RANBP10: variants seen among roughly 807,000 people sequenced by gnomAD.
The protein encoded by RANBP10 is RAN binding protein 10.
In RANBP10, 24 loss-of-function variants were observed where a neutral mutation model predicts 72.8. The observed-to-expected ratio is 0.33, with a 90% confidence interval of 0.24 to 0.46. RANBP10 has a LOEUF of 0.46. RANBP10 is among the 20% of genes least tolerant of loss of function. RANBP10 has a pLI of 1.00. For missense variants in RANBP10, 679 were observed against 817.5 expected, an observed-to-expected ratio of 0.83 and a Z score of 2.07; for synonymous variants, 310 against 322.3, an observed-to-expected ratio of 0.96 and a Z score of 0.41.
intron 3 of RANBP10, among the ~76,000 whole-genome samples, chr16:67,769,926 A>G (rs1401283098): frequency 1.3e-5 from 2 of 151,724 alleles, no homozygotes; most frequent in Non-Finnish European, 2.9e-5. Context: ...TTAGCTGGGT[A>G]TGGTAGCTTG....
At chr16:67,780,579 C>A (rs2143015011) in intron 2 of RANBP10, among the ~76,000 whole-genome samples, 1 of 152,142 alleles carries the variant, frequency 6.6e-6, no homozygotes, top group Non-Finnish European at 1.5e-5. Flanking sequence ...AAGACCACCT[C>A]TGTCTCTAAA....
intron 4 of RANBP10, among the ~76,000 whole-genome samples, chr16:67,742,975 T>A (rs2053997954): frequency 6.6e-6 from 1 of 152,178 alleles, no homozygotes; most frequent in Non-Finnish European, 1.5e-5. Context: ...GTTTCTCTGA[T>A]GTGCACCTAG....
At chr16:67,752,370 C>A (rs188446250) in intron 3 of RANBP10, among the ~76,000 whole-genome samples, 6 of 152,260 alleles carry the variant, frequency 3.9e-5, no homozygotes, top group Admixed American at 3.3e-4. Context: ...ACACAGGAGG[C>A]CGCTAGAAGC....
intron 6 of RANBP10, among the ~76,000 whole-genome samples, chr16:67,733,647 A>G (rs1399175811): frequency 6.6e-6 from 1 of 152,204 alleles, no homozygotes; most frequent in African/African-American, 2.4e-5. Context: ...GAACACATAC[A>G]AGCACATGGA....
Position 67,731,509 on chromosome 16 carries a change from C to A in RANBP10, c.852G>T (p.Pro284=). 6.2e-7 allele frequency: 1 copy of A among 1,614,096 alleles called. No individual in the cohort carries two copies. Among genetic ancestry groups the A allele is most frequent in the Non-Finnish European group, 8.5e-7 (1 of 1,179,970 alleles). Residue 284 remains proline, a synonymous_variant, in exon 7 of 14, where the codon CCG becomes CCT. Coordinates refer to ENST00000317506, the MANE Select transcript of RANBP10 (RefSeq NM_020850.3). ...ATAFARMTET[P]IQEEQASIKN... ...TTATGGACGCCTGTTCTTCCTGAAT[C>A]GGGGTTTCAGTCATTCGAGCAAAAG...
intron 2 of RANBP10, among the ~76,000 whole-genome samples, chr16:67,774,128 G>C (rs1209058205): frequency 6.6e-6 from 1 of 152,230 alleles, no homozygotes; most frequent in Non-Finnish European, 1.5e-5. Flanking sequence ...CTGCCCTGCA[G>C]TCAGCAGTCC....
At chr16:67,757,250 A>G (rs1175181930) in intron 3 of RANBP10, among the ~76,000 whole-genome samples, 1 of 151,976 alleles carries the variant, frequency 6.6e-6, no homozygotes, top group Non-Finnish European at 1.5e-5. Context: ...GGCACTTCAC[A>G]TGTTCTGCTC....
intron 3 of RANBP10, chr16:67,763,523 A>G (rs777908720): frequency 2.6e-5 from 4 of 152,204 alleles, no homozygotes; most frequent in Non-Finnish European, 4.4e-5. Context: ...GGGTGCAATG[A>G]GCGGAGTGGC....
chr16:67,731,607 G>T, intron 6 of RANBP10, 23 bp from the exon 7 acceptor site: 2 of 1,580,576 alleles, frequency 1.3e-6, no homozygotes, highest in South Asian at 2.2e-5. Context: ...AAGAGCTTCA[G>T]GTGACACTCA....
Position 67,780,830 on chromosome 16 carries a change from T to C in RANBP10, c.348-8744A>G, listed in dbSNP as rs145756701. Reference sequence around the variant, plus strand: ...AGGCACCAAGGAAAGGTCAATTCTCTGAGACCCACTTGGAAATACTGGAGC... The same window carrying C: ...AGGCACCAAGGAAAGGTCAATTCTCCGAGACCCACTTGGAAATACTGGAGC... On this transcript the variant is annotated intron_variant, in intron 2 of 13. Transcript: ENST00000317506. Among the ~76,000 whole-genome samples, 443 of 152,352 alleles carry C rather than the reference T, an allele frequency of 2.9e-3. 4 individuals are homozygous for C. Among genetic ancestry groups the C allele is most frequent in the African/African-American group, 1.0e-2 (415 of 41,576 alleles).
In RANBP10 at chr16:67,727,909, C is replaced by G. The variant is rs371125602; in HGVS notation, c.1475-13G>C. 104 of 1,613,572 alleles carry G rather than the reference C, an allele frequency of 6.4e-5. 1 individual carries two copies. In the African/African-American group the frequency reaches 1.3e-3, roughly 20 times the overall value. On this transcript the variant is annotated splice_polypyrimidine_tract_variant and intron_variant, in intron 11 of 13. Coordinates refer to ENST00000317506, the MANE Select transcript of RANBP10 (RefSeq NM_020850.3). ...GGATGCCTGTCATCTGCATCCAGAA[C>G]CCAGTGGAGAACGTGTTAGGAGGGG...
At chr16:67,792,902 T>C (rs2055055024) in intron 2 of RANBP10, among the ~76,000 whole-genome samples, 1 of 151,928 alleles carries the variant, frequency 6.6e-6, no homozygotes. Flanking sequence ...TCACCAGCAC[T>C]ATCAAAGCAC....
At chr16:67,735,364 G>A (rs954746360) in intron 5 of RANBP10, among the ~76,000 whole-genome samples, 8 of 152,180 alleles carry the variant, frequency 5.3e-5, no homozygotes, top group African/African-American at 1.7e-4. Context: ...TGGGCTCCAC[G>A]ACCCTTCAGA....
chr16:67,795,594 G>A lies in RANBP10; in HGVS notation c.347+9834C>T, dbSNP rs564169965. Among the ~76,000 whole-genome samples the A allele has an allele frequency of 1.6e-4, 24 of 151,670 alleles. No homozygotes were observed. The South Asian group carries it at 2.9e-3, about 18-fold the overall frequency. Reference sequence around the variant, plus strand: ...TAAAAATAAAGGTTTTCGGCCGGGCGCGGTGGCTCACACCTGTAATCCCAG... The same window carrying A: ...TAAAAATAAAGGTTTTCGGCCGGGCACGGTGGCTCACACCTGTAATCCCAG... On this transcript the variant is annotated intron_variant, in intron 2 of 13. Coordinates refer to ENST00000317506, the MANE Select transcript of RANBP10 (RefSeq NM_020850.3).
intron 3 of RANBP10, among the ~76,000 whole-genome samples, chr16:67,769,159 C>T (rs934366612): frequency 1.3e-5 from 2 of 152,020 alleles, no homozygotes; most frequent in African/African-American, 2.4e-5. Flanking sequence ...AAAGAGTCCC[C>T]GGCCAGGAGC....
At chr16:67,727,494 T>C in intron 12 of RANBP10, 56 bp from the exon 13 acceptor site, 1 of 1,512,044 alleles carries the variant, frequency 6.6e-7, no homozygotes. Flanking sequence ...CTCACCCTGC[T>C]ACCCGTGGCT....
At chr16:67,766,525 T>G (rs186058194) in intron 3 of RANBP10, among the ~76,000 whole-genome samples, 151 of 152,204 alleles carry the variant, frequency 9.9e-4, no homozygotes, top group South Asian at 3.5e-3. Flanking sequence ...TGAGATCTGG[T>G]TGTTTGAAAA....
chr16:67,733,530 A>G lies in RANBP10; in HGVS notation c.776+1328T>C, dbSNP rs565000257. 1.1e-4 allele frequency among the ~76,000 whole-genome samples: 17 copies of G among 152,348 alleles called. No individual in the cohort carries two copies. In the South Asian group the frequency reaches 3.5e-3, roughly 32 times the overall value. ...GAGGAAGCCAGCCAAAAGGCTTGTG[A>G]CAAATTTGTCTCTGTGATAACATAG... On this transcript the variant is annotated intron_variant, in intron 6 of 13. Transcript: ENST00000317506.
rs142631359 is a variant in RANBP10, at chr16:67,734,688, T to C, written c.776+170A>G. ...CGGAGAACTCGGTGGGAGCTGTCCA[T>C]CCGACGACAGAGAAGCAGGAGAGCT... On this transcript the variant is annotated intron_variant, in intron 6 of 13. Coordinates refer to ENST00000317506, the MANE Select transcript of RANBP10 (RefSeq NM_020850.3). 5.0e-3 allele frequency among the ~76,000 whole-genome samples: 763 copies of C among 151,758 alleles called. 3 individuals are homozygous for C. The highest frequency in any genetic ancestry group is 0.018 in the African/African-American group (727 of 41,344).
Sources: gnomAD v4.1 joint callset for allele counts (sites outside exome capture counted in the v4.1 genomes callset) on GRCh38, gnomAD v4.1.1 for gene constraint, MANE v1.5 for transcripts, NCBI Gene and HGNC (gene_info 2026-07-23, HGNC 2026-07-21) for gene names.